The following LRRC37B variants were observed in gnomAD, a reference collection of about 807,000 sequenced individuals.
LRRC37B encodes the protein leucine rich repeat containing 37B.
Under a neutral mutation model 98.3 loss-of-function variants are expected in LRRC37B, and 28 were observed. The ratio of observed to expected loss-of-function variants is 0.28; its 90% CI spans 0.21 to 0.39. The LOEUF (loss-of-function observed/expected upper bound fraction) is 0.39, where lower values mean the gene tolerates loss of function less well. Among genes scored for constraint, LRRC37B ranks in the 10% least tolerant of loss-of-function variants. The pLI is 1.00. For synonymous variants in LRRC37B, 364 were observed against 442.7 expected (o/e 0.82, Z 2.23); for missense variants, 938 against 1,182.7 (o/e 0.79, Z 3.03).
At chr17:32,021,140 G>C in exon 1 of LRRC37B, 1 of 1,614,104 alleles carries the variant, frequency 6.2e-7, no homozygotes, top group Non-Finnish European at 8.5e-7. Flanking sequence ...TAGCACCAGC[G>C]TGTGTCATGT....
chr17:32,025,726 T>C (rs1158714243), intron 2 of LRRC37B, among the ~76,000 whole-genome samples: 1 of 152,240 alleles, frequency 6.6e-6, no homozygotes, highest in Non-Finnish European at 1.5e-5. Flanking sequence ...ATGTTGAGCT[T>C]ATGCTTAGTG....
chr17:32,050,832 C>T (rs1005636639), intron 11 of LRRC37B, among the ~76,000 whole-genome samples: 4 of 152,168 alleles, frequency 2.6e-5, no homozygotes, highest in Non-Finnish European at 4.4e-5. Flanking sequence ...TACCCTGGGG[C>T]GAGTCCTGTT....
intron 1 of LRRC37B, among the ~76,000 whole-genome samples, chr17:32,014,591 G>A (rs1192440605): frequency 1.3e-5 from 2 of 152,144 alleles, no homozygotes; most frequent in Non-Finnish European, 2.9e-5. Flanking sequence ...AATGGTATCT[G>A]GGAAAATTTT....
chr17:32,027,154 T>G (rs1910977613), intron 2 of LRRC37B, among the ~76,000 whole-genome samples: 1 of 152,242 alleles, frequency 6.6e-6, no homozygotes. Flanking sequence ...AGCCCTGACA[T>G]GGTCCCATGT....
intron 5 of LRRC37B, chr17:32,034,183 A>G (rs183147059): frequency 3.3e-5 from 5 of 152,250 alleles, no homozygotes; most frequent in Admixed American, 1.3e-4. Flanking sequence ...AAATTAAACC[A>G]TAAATTTAAA....
At chr17:32,022,547 G>T (rs139255719) in exon 1 of LRRC37B, 6 of 1,613,870 alleles carry the variant, frequency 3.7e-6, no homozygotes, top group Non-Finnish European at 5.1e-6. Flanking sequence ...CCACAGCCCT[G>T]GAGAAGACTA....
chr17:32,044,604 G>A (rs556903785), intron 7 of LRRC37B, among the ~76,000 whole-genome samples: 1 of 152,272 alleles, frequency 6.6e-6, no homozygotes, highest in East Asian at 1.9e-4. Flanking sequence ...ATTTTGCTGG[G>A]TGTGGTGGCT....
chr17:32,021,976 C>T, exon 1 of LRRC37B: 1 of 1,614,100 alleles, frequency 6.2e-7, no homozygotes, highest in Non-Finnish European at 8.5e-7. Flanking sequence ...GACATCCAGT[C>T]CTCTTCACTC....
chr17:32,034,842 A>G, intron 5 of LRRC37B, 68 bp from the exon 9 acceptor site: 1 of 1,231,404 alleles, frequency 8.1e-7, no homozygotes, highest in Non-Finnish European at 1.2e-6. Flanking sequence ...CAAAAAATGA[A>G]TATAGACTTT....
chr17:32,029,864 T>C (rs575829229), intron 3 of LRRC37B, among the ~76,000 whole-genome samples: 1 of 152,214 alleles, frequency 6.6e-6, no homozygotes, highest in Non-Finnish European at 1.5e-5. Context: ...GCCCTCATAG[T>C]TATTGATTCA....
chr17:32,024,920 C>A (rs1910905181), intron 2 of LRRC37B, 138 bp downstream of exon 5: 4 of 1,097,790 alleles, frequency 3.6e-6, no homozygotes, highest in Non-Finnish European at 5.0e-6. Context: ...GGATTGCAAT[C>A]CTATGGTTAT....
rs779665236 is a variant in LRRC37B at position 32,022,472 on chromosome 17, C to T, written c.1407C>T (p.Thr469=). The change falls in exon 1 of 12, where the codon ACC becomes ACT. Residue 469 remains threonine, a synonymous_variant. Coordinates refer to ENST00000327564, the Ensembl canonical transcript of LRRC37B. ...AACCGTCTCCAACCACGGAGGAAAC[C>T]TCAGCTCAGCCTCCAGACCCGGGGC... 4 of 1,612,852 alleles carry T rather than the reference C, an allele frequency of 2.5e-6. No homozygotes were observed. The Admixed American group carries it at 6.7e-5, about 27-fold the overall frequency.
chr17:32,047,855 G>A (rs781126421), exon 9 of LRRC37B: 48 of 1,614,006 alleles, frequency 3.0e-5, no homozygotes, highest in South Asian at 6.6e-5. Flanking sequence ...CTATTGAGTC[G>A]GAGGCGCCCT....
At chr17:32,026,266 G>C (rs1910949003) in intron 2 of LRRC37B, among the ~76,000 whole-genome samples, 1 of 152,154 alleles carries the variant, frequency 6.6e-6, no homozygotes, top group Non-Finnish European at 1.5e-5. Context: ...TGTAACCCCA[G>C]CACCTCGGGA....
rs1911098514 is a variant in LRRC37B at position 32,031,234 on chromosome 17, G to A, written c.1977-144G>A. 1.4e-5 allele frequency: 18 copies of A among 1,327,500 alleles called. No individual in the cohort carries two copies. The South Asian group carries it at 2.6e-4, about 20-fold the overall frequency. The allele number at this position is 1,327,500 out of a possible 1,614,324, so 82.2% of individuals were successfully genotyped here. A position where few individuals can be genotyped will look rare whatever the true frequency, so the allele number is the denominator to read the frequency against. On this transcript the variant is annotated intron_variant, in intron 4 of 11. Transcript: ENST00000327564. Reference sequence around the variant, plus strand: ...TGCAATGTTAAAGTATAAACCATAAGCCAGTATCTTCCACAGTGAGATTGC... The same window carrying A: ...TGCAATGTTAAAGTATAAACCATAAACCAGTATCTTCCACAGTGAGATTGC...
At chr17:32,012,682 T>C (rs893588098) in intron 1 of LRRC37B, among the ~76,000 whole-genome samples, 5 of 151,516 alleles carry the variant, frequency 3.3e-5, no homozygotes, top group Admixed American at 6.6e-5. Flanking sequence ...CACCACTGCA[T>C]CCCAGCCTGG....
intron 9 of LRRC37B, 200 bp from the exon 13 acceptor site, chr17:32,048,902 G>A (rs535829241): frequency 6.7e-7 from 1 of 1,491,174 alleles, no homozygotes; most frequent in Non-Finnish European, 9.3e-7. Flanking sequence ...TAATGTAAAA[G>A]ACACAAAAGA....
rs1243210966 is a variant in LRRC37B at position 32,049,332 on chromosome 17, A to G, written c.2695A>G (p.Lys899Glu). The change falls in exon 10 of 12, where the codon AAA (lysine) becomes GAA (glutamate). Residue 899 changes from lysine (K) to glutamate (E), a missense_variant. Lys to Glu is a moderately conservative substitution (Grantham distance 56). This residue lies in a region of LRRC37B where 328 missense variants were observed against 557.0 expected (regional missense o/e 0.59). Transcript: ENST00000327564. ...TGTAGAATGGGATACGGACCAACAA[A>G]AAACAAATTATATTAATGAGAACAT... 1.9e-6 allele frequency: 3 copies of G among 1,613,336 alleles called. No homozygotes were observed. The Admixed American group carries it at 5.0e-5, about 27-fold the overall frequency.
At position 32,047,653 on chromosome 17, in the gene LRRC37B, A is replaced by G. The variant is rs1207177635; in HGVS notation, c.2324-108A>G. On this transcript the variant is annotated intron_variant, in intron 8 of 11. Transcript: ENST00000327564. ...TTTCTCCTCTCTGAATGGCACTCGA[A>G]TGTTTGCTGACTCTTACTCTGTGTG... The G allele has an allele frequency of 3.3e-6, 5 of 1,528,260 alleles. No individual in the cohort carries two copies. In the African/African-American group the frequency reaches 6.8e-5, roughly 21 times the overall value. 94.7% of individuals were successfully genotyped at this position (1,528,260 alleles called of 1,614,324 possible).
Sources: gnomAD v4.1 joint callset for allele counts (sites outside exome capture counted in the v4.1 genomes callset) on GRCh38, gnomAD v4.1.1 for gene constraint, gnomAD v4.1.1 regional missense constraint, MANE v1.5 for transcripts, NCBI Gene and HGNC (gene_info 2026-07-23, HGNC 2026-07-21) for gene names.